Variants in LINGO2 observed in about 807,000 individuals in gnomAD.
LINGO2 encodes leucine rich repeat and Ig domain containing 2, also known as leucine-rich repeat and immunoglobulin-like domain-containing nogo receptor-interacting protein 2.
In LINGO2, 14 loss-of-function variants were observed where a neutral mutation model predicts 30.6. The observed-to-expected ratio is 0.46, with a 90% CI of 0.30 to 0.72. The LOEUF is 0.72. LINGO2 is among the 30% of genes least tolerant of loss of function. The probability of loss-of-function intolerance (pLI) is 0.07; values close to 1 mark genes in which losing one functional copy is unlikely to be tolerated. For synonymous variants in LINGO2, 317 were observed against 288.5 expected, an observed-to-expected ratio of 1.10 and a Z score of -1.00; for missense variants, 729 against 751.7, an observed-to-expected ratio of 0.97 and a Z score of 0.35.
chr9:28,848,166 T>TACTATATATACGAATATATA, the LINGO2 span, among the ~76,000 whole-genome samples: 1 of 80,964 alleles, frequency 1.2e-5, no homozygotes, highest in African/African-American at 8.4e-5. Flanking sequence ...GCATATATAG[T>TACTATATATACGAATATATA]GTGTATATAT....
intron 4 of LINGO2, among the ~76,000 whole-genome samples, chr9:28,142,397 C>G (rs1383176518): frequency 6.6e-6 from 1 of 151,912 alleles, no homozygotes; most frequent in African/African-American, 2.4e-5. Flanking sequence ...ATCCTAGTTG[C>G]AAGTTATGTA....
chr9:28,267,042 C>A (rs1398724847), intron 4 of LINGO2, among the ~76,000 whole-genome samples: 1 of 152,028 alleles, frequency 6.6e-6, no homozygotes, highest in African/African-American at 2.4e-5. Flanking sequence ...AGAATGAATT[C>A]TTCTTCCATG....
rs112103830 is a variant in LINGO2 at position 28,569,138 on chromosome 9, A to C, written c.-364-93113T>G. Among the ~76,000 whole-genome samples, 1,020 of 152,152 alleles carry C rather than the reference A, an allele frequency of 6.7e-3. 9 individuals are homozygous for C. Among genetic ancestry groups the C allele is most frequent in the African/African-American group, 0.023 (957 of 41,576 alleles). On this transcript the variant is annotated intron_variant, in intron 1 of 5. Transcript: ENST00000379992. ...ATTATCAGAAAGATGAAAAATAACA[A>C]GAGTGTTTATGTAAATGTACTGAAA...
At chr9:29,060,599 G>A in the LINGO2 span, among the ~76,000 whole-genome samples, 2 of 151,820 alleles carry the variant, frequency 1.3e-5, no homozygotes, top group Non-Finnish European at 2.9e-5. Context: ...TAACTTTAAA[G>A]AAACTATTAC....
intron 5 of LINGO2, among the ~76,000 whole-genome samples, chr9:27,954,081 CATA>C (rs1392703958): frequency 6.6e-6 from 1 of 152,036 alleles, no homozygotes; most frequent in East Asian, 1.9e-4. Context: ...TTCATTGATA[CATA>C]ATATTTGTAC....
In LINGO2 at chr9:28,009,835, G is replaced by A. The variant is rs941977904; in HGVS notation, c.-36+2520C>T. On this transcript the variant is annotated intron_variant, in intron 5 of 5. Coordinates refer to ENST00000379992, the Ensembl canonical transcript of LINGO2. ...CTCAAAAAGTTACTATGGTAACATA[G>A]GTGTACCACATAACCCAGCACTTCT... Among the ~76,000 whole-genome samples the A allele has an allele frequency of 3.3e-5, 5 of 152,122 alleles. No individual in the cohort carries two copies. In the East Asian group the frequency reaches 9.6e-4, roughly 29 times the overall value.
At chr9:28,708,757 CTAAT>C in the LINGO2 span, among the ~76,000 whole-genome samples, 1 of 148,944 alleles carries the variant, frequency 6.7e-6, no homozygotes, top group Non-Finnish European at 1.5e-5. Flanking sequence ...CTGTTTTAAA[CTAAT>C]TATCTATCTA....
the LINGO2 span, among the ~76,000 whole-genome samples, chr9:28,883,153 C>T: frequency 6.6e-6 from 1 of 152,144 alleles, no homozygotes; most frequent in Non-Finnish European, 1.5e-5. Flanking sequence ...CTCCTTCACT[C>T]TCTGTGCTCT....
chr9:29,065,177 T>A, the LINGO2 span, among the ~76,000 whole-genome samples: 1 of 152,118 alleles, frequency 6.6e-6, no homozygotes, highest in Non-Finnish European at 1.5e-5. Context: ...CCAAGTACAA[T>A]TAACATTACT....
At chr9:28,054,300 G>T (rs1387491306) in intron 4 of LINGO2, among the ~76,000 whole-genome samples, 2 of 152,074 alleles carry the variant, frequency 1.3e-5, no homozygotes, top group Admixed American at 1.3e-4. Context: ...AGCTACAGCT[G>T]CATCTTAGAT....
intron 4 of LINGO2, among the ~76,000 whole-genome samples, chr9:28,274,963 A>C (rs868720210): frequency 1.3e-5 from 2 of 152,306 alleles, no homozygotes; most frequent in Middle Eastern, 3.4e-3. Flanking sequence ...TCAGCAGTAG[A>C]GTAAGCCTTT....
the LINGO2 span, among the ~76,000 whole-genome samples, chr9:28,783,726 T>A: frequency 6.6e-6 from 1 of 152,206 alleles, no homozygotes; most frequent in Non-Finnish European, 1.5e-5. Flanking sequence ...GGGAACTAGA[T>A]GTACAAAATC....
Position 28,506,487 on chromosome 9 carries a change from T to G in LINGO2, c.-364-30462A>C, listed in dbSNP as rs12352457. Among the ~76,000 whole-genome samples the G allele has an allele frequency of 8.3e-3, 330 of 39,986 alleles. 44 individuals are homozygous for G. Among genetic ancestry groups the G allele is most frequent in the Admixed American group, 9.9e-3 (26 of 2,622 alleles). The allele number at this position is 39,986 out of a possible 152,430, so 26.2% of individuals were successfully genotyped here. A position where few individuals can be genotyped will look rare whatever the true frequency, so the allele number is the denominator to read the frequency against. On this transcript the variant is annotated intron_variant, in intron 1 of 5. Transcript: ENST00000379992. ...ATACACACACACACACACATACACATACACACACACACACAGACATATATA... is the reference window on the plus strand; with the variant it reads ...ATACACACACACACACACATACACAGACACACACACACACAGACATATATA...
the LINGO2 span, among the ~76,000 whole-genome samples, chr9:28,922,907 G>A: frequency 1.3e-5 from 2 of 152,164 alleles, no homozygotes; most frequent in African/African-American, 2.4e-5. Context: ...GACTATGCAG[G>A]TGGACCCTAA....
chr9:29,205,222 A>G, the LINGO2 span, among the ~76,000 whole-genome samples: 1 of 152,008 alleles, frequency 6.6e-6, no homozygotes, highest in African/African-American at 2.4e-5. Context: ...TGTTATTTTT[A>G]GTAGAGACAG....
chr9:29,085,110 A>G, the LINGO2 span, among the ~76,000 whole-genome samples: 309 of 151,944 alleles, frequency 2.0e-3, 3 homozygotes, highest in African/African-American at 6.9e-3. Flanking sequence ...AAATGTGGGA[A>G]TTTGTTCCTA....
At chr9:28,642,016 T>A (rs1827614393) in intron 1 of LINGO2, among the ~76,000 whole-genome samples, 1 of 151,884 alleles carries the variant, frequency 6.6e-6, no homozygotes, top group Non-Finnish European at 1.5e-5. Flanking sequence ...ATACTCTGTT[T>A]TTTTTTTTAG....
intron 2 of LINGO2, among the ~76,000 whole-genome samples, chr9:28,409,158 A>C (rs1822643709): frequency 6.6e-6 from 1 of 152,098 alleles, no homozygotes; most frequent in Admixed American, 6.6e-5. Flanking sequence ...GTTTAAAATG[A>C]AAACTTCCTG....
chr9:29,007,198 C>A, the LINGO2 span, among the ~76,000 whole-genome samples: 1 of 151,974 alleles, frequency 6.6e-6, no homozygotes, highest in South Asian at 2.1e-4. Context: ...AAACTATGGA[C>A]TTGATACTGA....
Sources: gnomAD v4.1 joint callset for allele counts (sites outside exome capture counted in the v4.1 genomes callset) on GRCh38, gnomAD v4.1.1 for gene constraint, MANE v1.5 for transcripts, NCBI Gene and HGNC (gene_info 2026-07-23, HGNC 2026-07-21) for gene names.